CCPG1: variants seen among roughly 807,000 people sequenced by gnomAD.
The protein encoded by CCPG1 is cell cycle progression protein 1.
In CCPG1, 46 loss-of-function variants were observed where a neutral mutation model predicts 81.3. That is an observed-to-expected ratio of 0.57 (90% CI 0.45 to 0.72). CCPG1 has a LOEUF of 0.72. Ranked by LOEUF, CCPG1 falls within the 30% of genes least tolerant of loss-of-function variation. CCPG1 has a pLI of 0.00. For missense variants in CCPG1, 902 were observed against 937.6 expected (o/e 0.96, Z 0.50); for synonymous variants, 330 against 305.2 (o/e 1.08, Z -0.85).
At chr15:55,397,223 C>CAA (rs200729740) in intron 1 of CCPG1, among the ~76,000 whole-genome samples, 2 of 119,172 alleles carry the variant, frequency 1.7e-5, no homozygotes, top group Admixed American at 7.7e-5. Context: ...CAAAAAAAAA[C>CAA]AAACAAAAAA....
chr15:55,403,301 TG>T (rs2141351142), intron 1 of CCPG1, among the ~76,000 whole-genome samples: 2 of 152,250 alleles, frequency 1.3e-5, no homozygotes, highest in East Asian at 3.9e-4. Flanking sequence ...AAAAATCCTC[TG>T]ATTTCCAACC....
intron 6 of CCPG1, among the ~76,000 whole-genome samples, chr15:55,369,684 T>A (rs932461539): frequency 3.9e-5 from 6 of 152,220 alleles, no homozygotes; most frequent in African/African-American, 1.4e-4. Flanking sequence ...AAGGCTAATA[T>A]CAAGTAAAGG....
intron 1 of CCPG1, among the ~76,000 whole-genome samples, chr15:55,392,044 AAAT>A (rs2056929629): frequency 6.6e-6 from 1 of 151,736 alleles, no homozygotes; most frequent in Non-Finnish European, 1.5e-5. Flanking sequence ...AAAAAAAAAA[AAAT>A]CAAAAGATCT....
chr15:55,357,269 C>T, intron 8 of CCPG1: 1 of 969,964 alleles, frequency 1.0e-6, no homozygotes, highest in African/African-American at 1.8e-5. Flanking sequence ...ATCTAGAAGT[C>T]ACTGTTACTT....
rs2056167473 is a variant in CCPG1 at position 55,360,425 on chromosome 15, T to C, written c.1348A>G (p.Arg450Gly). 3.7e-6 allele frequency: 6 copies of C among 1,613,958 alleles called. No individual in the cohort carries two copies. The highest frequency in any genetic ancestry group is 5.1e-6 in the Non-Finnish European group (6 of 1,180,024). ...TGATCTTTTGCCTCAACATACAATC[T>C]TTCCCACAAATCAGAACGCTGCTGT... ...FEQQRSDLWE[R>G]LYVEAKDQNG... The change falls in exon 8 of 9, where the codon AGA (arginine) becomes GGA (glycine). Residue 450 changes from arginine to glycine, a missense_variant. Coordinates refer to ENST00000442196, the MANE Select transcript of CCPG1 (RefSeq NM_001204450.2).
At chr15:55,376,049 G>A (rs1416030101) in intron 5 of CCPG1, among the ~76,000 whole-genome samples, 1 of 152,128 alleles carries the variant, frequency 6.6e-6, no homozygotes, top group Non-Finnish European at 1.5e-5. Context: ...TCTATTGTCT[G>A]ATTCTGGTTG....
chr15:55,395,364 G>C (rs184193502), intron 1 of CCPG1, among the ~76,000 whole-genome samples: 1 of 151,812 alleles, frequency 6.6e-6, no homozygotes, highest in African/African-American at 2.4e-5. Context: ...CTGGCAGTTT[G>C]AACCTCCCCA....
intron 8 of CCPG1, 21 bp downstream of exon 8, chr15:55,359,518 C>T (rs755350286): frequency 2.5e-6 from 4 of 1,568,908 alleles, no homozygotes; most frequent in East Asian, 2.2e-5. Flanking sequence ...ACTGTAATGA[C>T]ACGGTTTTAT....
Position 55,355,444 on chromosome 15 carries a change from TA to T in CCPG1, c.*775del. On this transcript the variant is annotated 3_prime_UTR_variant, in exon 9 of 9. Coordinates refer to ENST00000442196, the MANE Select transcript of CCPG1 (RefSeq NM_001204450.2). Reference sequence around the variant, plus strand: ...AGATGAAATTCTGAACTTTCCTAGATAAATTAACATTGCTGGGTGGAAATAT... The same window carrying T: ...AGATGAAATTCTGAACTTTCCTAGATAATTAACATTGCTGGGTGGAAATAT... 1 of 1,596,220 alleles carries T rather than the reference TA, an allele frequency of 6.3e-7. No individual in the cohort carries two copies. The highest frequency in any genetic ancestry group is 8.6e-7 in the Non-Finnish European group (1 of 1,169,562).
At position 55,371,904 on chromosome 15, in the gene CCPG1, C is replaced by T. The variant is rs776404862; in HGVS notation, c.595G>A (p.Glu199Lys). 63 of 1,614,072 alleles carry T rather than the reference C, an allele frequency of 3.9e-5. No individual in the cohort carries two copies. The highest frequency in any genetic ancestry group is 4.4e-5 in the Non-Finnish European group (52 of 1,180,028). Reference protein sequence around the residue: ...ESEDRLVAEQETEPSKELSKR... With the variant: ...ESEDRLVAEQKTEPSKELSKR... ...CTCAACTCCTTAGAAGGTTCAGTTT[C>T]TTGTTCAGCAACTAGCCGGTCTTCA... is the stretch of plus-strand genomic sequence containing the variant. The change falls in exon 6 of 9, where the codon GAA becomes AAA. Residue 199 changes from glutamate (E) to lysine (K), a missense_variant. Glu to Lys is a moderately conservative substitution (Grantham distance 56, BLOSUM62 1). This residue lies in a region of CCPG1 where 746 missense variants were observed against 728.6 expected (regional missense o/e 1.02). Coordinates refer to ENST00000442196, the MANE Select transcript of CCPG1 (RefSeq NM_001204450.2).
At chr15:55,379,821 G>A (rs1469064383) in intron 3 of CCPG1, among the ~76,000 whole-genome samples, 8 of 151,420 alleles carry the variant, frequency 5.3e-5, no homozygotes, top group African/African-American at 9.7e-5. Context: ...CATAAAGGCC[G>A]GGCACAGTGG....
intron 1 of CCPG1, among the ~76,000 whole-genome samples, chr15:55,399,383 C>T (rs148285534): frequency 4.2e-4 from 54 of 127,166 alleles, no homozygotes; most frequent in East Asian, 3.7e-3. Context: ...TTAGCCTGGC[C>T]AACATGGTGC....
chr15:55,360,516 A>C lies in CCPG1; in HGVS notation c.1257T>G (p.Thr419=). 1 of 1,613,936 alleles carries C rather than the reference A, an allele frequency of 6.2e-7. No individual in the cohort carries two copies. The highest frequency in any genetic ancestry group is 8.5e-7 in the Non-Finnish European group (1 of 1,179,990). The change falls in exon 8 of 9, where the codon ACT becomes ACG. Residue 419 remains threonine, a synonymous_variant. Transcript: ENST00000442196. ...HGKSDSPNVY[T]EKKEIAILRE... Reference sequence around the variant, plus strand: ...GTAAGATTGCTATTTCCTTTTTTTCAGTATATACATTGGGAGAATCTGACT... The same window carrying C: ...GTAAGATTGCTATTTCCTTTTTTTCCGTATATACATTGGGAGAATCTGACT...
At position 55,392,590 on chromosome 15, in the gene CCPG1, A is replaced by G. The variant is rs542050008; in HGVS notation, c.-9-3157T>C. Among the ~76,000 whole-genome samples, 6 of 151,372 alleles carry G rather than the reference A, an allele frequency of 4.0e-5. No homozygotes were observed. In the East Asian group the frequency reaches 1.2e-3, roughly 30 times the overall value. On this transcript the variant is annotated intron_variant, in intron 1 of 8. Coordinates refer to ENST00000442196, the MANE Select transcript of CCPG1 (RefSeq NM_001204450.2). ...GGCTGGAGGGCAGTGACATGAACACAGTTCATTGCAGCCTTGACCTCCCAG... is the reference window on the plus strand; with the variant it reads ...GGCTGGAGGGCAGTGACATGAACACGGTTCATTGCAGCCTTGACCTCCCAG...
At position 55,360,346 on chromosome 15, in the gene CCPG1, C is replaced by T. The variant is rs2056165732; in HGVS notation, c.1427G>A (p.Arg476Lys). 8.1e-6 allele frequency: 13 copies of T among 1,613,694 alleles called. No individual in the cohort carries two copies. The highest frequency in any genetic ancestry group is 1.3e-5 in the African/African-American group (1 of 74,864). ...TGTTTCCTTTGACTTATTTTTAGCCCTGTGGCTTCCTCTGCCCCCTTTCTT... is the reference window on the plus strand; with the variant it reads ...TGTTTCCTTTGACTTATTTTTAGCCTTGTGGCTTCCTCTGCCCCCTTTCTT... ...GKKKGGRGSH[R>K]AKNKSKETFL... The change falls in exon 8 of 9, where the codon AGG (arginine) becomes AAG (lysine). Residue 476 changes from arginine to lysine, a missense_variant. Physicochemically the swap from Arg to Lys is conservative, Grantham distance 26 (BLOSUM62 2). Around this residue, in one of 3 missense-constraint regions of CCPG1, gnomAD observed 746 missense variants for 728.6 expected, o/e 1.02. Transcript: ENST00000442196.
intron 1 of CCPG1, among the ~76,000 whole-genome samples, chr15:55,394,717 C>G (rs1387826974): frequency 6.6e-6 from 1 of 151,982 alleles, no homozygotes. Context: ...AATTGATCCT[C>G]ACAGTCTTAA....
intron 6 of CCPG1, among the ~76,000 whole-genome samples, chr15:55,371,028 G>A (rs770149703): frequency 2.6e-5 from 4 of 152,006 alleles, no homozygotes; most frequent in Non-Finnish European, 4.4e-5. Context: ...TAGGAGAATT[G>A]CTAGAACCCT....
intron 3 of CCPG1, among the ~76,000 whole-genome samples, chr15:55,379,808 G>C (rs931881251): frequency 1.4e-4 from 21 of 152,102 alleles, no homozygotes; most frequent in African/African-American, 5.1e-4. Flanking sequence ...TAATGAAAAA[G>C]AGCATAAAGG....
intron 1 of CCPG1, among the ~76,000 whole-genome samples, chr15:55,392,720 T>C (rs901559543): frequency 6.6e-6 from 1 of 152,176 alleles, no homozygotes; most frequent in African/African-American, 2.4e-5. Context: ...TTTTGCCATG[T>C]TGCCCAGGTT....
Sources: allele counts gnomAD v4.1 joint callset (sites outside exome capture counted in the v4.1 genomes callset), GRCh38; gene constraint gnomAD v4.1.1; regional missense constraint gnomAD v4.1.1; transcripts MANE v1.5; gene names NCBI Gene and HGNC (gene_info 2026-07-23, HGNC 2026-07-21).